GFOD1: variants seen among roughly 807,000 people sequenced by gnomAD.
The protein encoded by GFOD1 is glucose-fructose oxidoreductase domain-containing protein 1.
Under a neutral mutation model 25.4 loss-of-function variants are expected in GFOD1, and 9 were observed. The observed-to-expected ratio is 0.35, with a 90% confidence interval of 0.21 to 0.62. The LOEUF is 0.62. Among genes scored for constraint, GFOD1 ranks in the 20% least tolerant of loss-of-function variants. The pLI is 0.72. For missense variants in GFOD1, 403 were observed against 556.9 expected (o/e 0.72, Z 2.78); for synonymous variants, 253 against 245.6 (o/e 1.03, Z -0.28).
chr6:13,376,285 A>G (rs1785255022), intron 1 of GFOD1, among the ~76,000 whole-genome samples: 1 of 152,204 alleles, frequency 6.6e-6, no homozygotes, highest in Admixed American at 6.5e-5. Context: ...ACTTGCGGAC[A>G]GAGGAAAATG....
At chr6:13,400,611 C>T (rs922571326) in intron 1 of GFOD1, among the ~76,000 whole-genome samples, 4 of 152,190 alleles carry the variant, frequency 2.6e-5, no homozygotes, top group African/African-American at 9.7e-5. Context: ...GCACACATTT[C>T]GTCAGAATGA....
At position 13,364,389 on chromosome 6, in the gene GFOD1, C is replaced by T. The variant is rs1407439401; in HGVS notation, c.*354G>A. On this transcript the variant is annotated 3_prime_UTR_variant, in exon 2 of 2. Transcript: ENST00000379287. The surrounding 1 kb of genome is among the most constrained non-coding windows in gnomAD (Gnocchi z 4.1). Reference sequence around the variant, plus strand: ...CAGAACCACTTGGCTTGCAGAAGGCCAAGGTGTGTGGGATGGATGAGGTAG... The same window carrying T: ...CAGAACCACTTGGCTTGCAGAAGGCTAAGGTGTGTGGGATGGATGAGGTAG... The T allele has an allele frequency of 4.0e-6, 1 of 250,882 alleles. No homozygotes were observed. Among genetic ancestry groups the T allele is most frequent in the Admixed American group, 4.9e-5 (1 of 20,416 alleles). 15.5% of individuals were successfully genotyped at this position (250,882 alleles called of 1,614,324 possible). A position where few individuals can be genotyped will look rare whatever the true frequency, so the allele number is the denominator to read the frequency against.
chr6:13,404,475 T>C (rs1022278083), intron 1 of GFOD1, among the ~76,000 whole-genome samples: 1 of 152,226 alleles, frequency 6.6e-6, no homozygotes, highest in African/African-American at 2.4e-5. Context: ...CACGTGAGCC[T>C]GAACCTCAGT....
chr6:13,394,013 G>C (rs1785676211), intron 1 of GFOD1, among the ~76,000 whole-genome samples: 1 of 151,996 alleles, frequency 6.6e-6, no homozygotes. Context: ...TCCTGACCTT[G>C]TGATCCACCC....
chr6:13,425,476 A>G (rs1786336088), intron 1 of GFOD1, among the ~76,000 whole-genome samples: 1 of 152,188 alleles, frequency 6.6e-6, no homozygotes. Context: ...GGCCAGAGCT[A>G]AAATAGACAG....
chr6:13,474,107 C>T (rs533361431), intron 1 of GFOD1, among the ~76,000 whole-genome samples: 16 of 152,320 alleles, frequency 1.1e-4, no homozygotes, highest in African/African-American at 2.9e-4. Flanking sequence ...CTGCCAGGCA[C>T]GGTGGCTCTC....
At chr6:13,486,238 ACCCCCCCATCCC>A in intron 1 of GFOD1, 1 of 276,950 alleles carries the variant, frequency 3.6e-6, no homozygotes, top group Non-Finnish European at 4.3e-6. Context: ...ACCCTCCTCC[ACCCCCCCATCCC>A]CCCCCCCCAC....
chr6:13,379,113 A>G (rs780742238), intron 1 of GFOD1, among the ~76,000 whole-genome samples: 1 of 152,226 alleles, frequency 6.6e-6, no homozygotes, highest in Non-Finnish European at 1.5e-5. Context: ...AGTCTGTGCC[A>G]AGGCCCAGGG....
chr6:13,484,022 A>G (rs1488392118), intron 1 of GFOD1, among the ~76,000 whole-genome samples: 1 of 152,234 alleles, frequency 6.6e-6, no homozygotes, highest in East Asian at 1.9e-4. Flanking sequence ...AAATGCCTCT[A>G]CAACAGAGGA....
At position 13,407,794 on chromosome 6, in the gene GFOD1, T is replaced by C. The variant is rs551218786; in HGVS notation, c.254-42132A>G. 45 of 222,524 alleles carry C rather than the reference T, an allele frequency of 2.0e-4. No homozygotes were observed. The South Asian group carries it at 6.8e-3, about 33-fold the overall frequency. The allele number at this position is 222,524 out of a possible 1,614,324, so 13.8% of individuals were successfully genotyped here. A position where few individuals can be genotyped will look rare whatever the true frequency, so the allele number is the denominator to read the frequency against. ...ATAGGCCTCAGTCAGATGGCTTTTC[T>C]TGAGCCACTGGATTTCATCAGAAGA... On this transcript the variant is annotated intron_variant, in intron 1 of 1. Coordinates refer to ENST00000379287, the MANE Select transcript of GFOD1 (RefSeq NM_018988.4).
intron 1 of GFOD1, among the ~76,000 whole-genome samples, chr6:13,449,493 G>A (rs1033946404): frequency 2.6e-5 from 4 of 152,298 alleles, no homozygotes; most frequent in East Asian, 3.9e-4. Context: ...TCTATTCAAA[G>A]CTCATAGAAA....
chr6:13,384,250 A>G (rs1785422617), intron 1 of GFOD1, among the ~76,000 whole-genome samples: 1 of 152,146 alleles, frequency 6.6e-6, no homozygotes, highest in Admixed American at 6.5e-5. Context: ...ACTAAACTAA[A>G]CTAAAATAAA....
intron 1 of GFOD1, among the ~76,000 whole-genome samples, chr6:13,455,729 T>C (rs959802035): frequency 6.6e-6 from 1 of 152,204 alleles, no homozygotes; most frequent in African/African-American, 2.4e-5. Context: ...TATTAGATCA[T>C]GACAGGCACA....
Position 13,373,792 on chromosome 6 carries a change from T to C in GFOD1, c.254-8130A>G, listed in dbSNP as rs1439682791. ...CACACACTACGCTTTTTTTTTTTTT[T>C]TGAAGTTAGAAACTGCAAAAGAAGT... On this transcript the variant is annotated intron_variant, in intron 1 of 1. Transcript: ENST00000379287. 2.0e-5 allele frequency among the ~76,000 whole-genome samples: 3 copies of C among 148,464 alleles called. No homozygotes were observed. In the East Asian group the frequency reaches 6.0e-4, roughly 30 times the overall value.
At chr6:13,476,752 T>G (rs1475946543) in intron 1 of GFOD1, among the ~76,000 whole-genome samples, 1 of 152,230 alleles carries the variant, frequency 6.6e-6, no homozygotes, top group Admixed American at 6.5e-5. Context: ...CTGGAAAATT[T>G]TTTTAAATCA....
intron 1 of GFOD1, among the ~76,000 whole-genome samples, chr6:13,428,567 C>T (rs778468361): frequency 2.0e-5 from 3 of 152,118 alleles, no homozygotes; most frequent in Admixed American, 1.3e-4. Context: ...CATTAAAGGC[C>T]GCTGCAAGAA....
intron 1 of GFOD1, among the ~76,000 whole-genome samples, chr6:13,483,513 T>C (rs1758799970): frequency 6.6e-6 from 1 of 152,196 alleles, no homozygotes; most frequent in Non-Finnish European, 1.5e-5. Flanking sequence ...TCTCTAGCAC[T>C]GCCAGATACT....
chr6:13,479,205 A>T (rs1470483628), intron 1 of GFOD1, among the ~76,000 whole-genome samples: 6 of 152,212 alleles, frequency 3.9e-5, no homozygotes, highest in African/African-American at 1.4e-4. Context: ...ATTTTTAAAA[A>T]TTTTAAAAAG....
At chr6:13,416,240 G>A (rs899645156) in intron 1 of GFOD1, among the ~76,000 whole-genome samples, 1 of 152,198 alleles carries the variant, frequency 6.6e-6, no homozygotes. Flanking sequence ...AGAACTGTGA[G>A]TCAATTACAA....
Sources: gnomAD v4.1 joint callset for allele counts (sites outside exome capture counted in the v4.1 genomes callset) on GRCh38, gnomAD v4.1.1 for gene constraint, Gnocchi (gnomAD v3.1) non-coding constraint, MANE v1.5 for transcripts, NCBI Gene and HGNC (gene_info 2026-07-23, HGNC 2026-07-21) for gene names.